TET3: variants seen among roughly 807,000 people sequenced by gnomAD.
TET3 encodes the protein tet methylcytosine dioxygenase 3, also known as methylcytosine dioxygenase TET3.
A neutral mutation model predicts 141.4 loss-of-function variants in TET3; 19 were observed. That is an observed-to-expected ratio of 0.13 (90% confidence interval 0.09 to 0.20). TET3 has a LOEUF of 0.20. Ranked by LOEUF, TET3 falls within the 10% of genes least tolerant of loss-of-function variation. The pLI, the probability that TET3 is intolerant of heterozygous loss-of-function variation, is 1.00. For synonymous variants in TET3, 1,043 were observed against 980.9 expected (o/e 1.06, Z -1.18); for missense variants, 1,874 against 2,356.9 (o/e 0.80, Z 4.24).
At position 74,048,430 on chromosome 2, in the gene TET3, C is replaced by G; in HGVS notation, c.2494+19C>G. Reference sequence around the variant, plus strand: ...TGCGTCGGTAAGTCCGCCTGGGTATCAGGGAAGGGCAGAGAAAGGGCTGTG... The same window carrying G: ...TGCGTCGGTAAGTCCGCCTGGGTATGAGGGAAGGGCAGAGAAAGGGCTGTG... On this transcript the variant is annotated intron_variant, in intron 4 of 11. Transcript: ENST00000409262. 6.3e-7 allele frequency: 1 copy of G among 1,582,800 alleles called. No individual in the cohort carries two copies. The highest frequency in any genetic ancestry group is 8.6e-7 in the Non-Finnish European group (1 of 1,162,922).
rs760606376 is a variant in TET3, at chr2:74,093,491, C to T, written c.3130-38C>T. 4.5e-6 allele frequency: 7 copies of T among 1,548,100 alleles called. No individual in the cohort carries two copies. The highest frequency in any genetic ancestry group is 6.1e-6 in the Non-Finnish European group (7 of 1,141,596). On this transcript the variant is annotated intron_variant, in intron 9 of 11. Coordinates refer to ENST00000409262, the MANE Select transcript of TET3 (RefSeq NM_001287491.2). This position sits in a 1 kb window ranked among gnomAD's most constrained non-coding sequence, Gnocchi z 4.2. ...GGTGCAGAATCGGGGCCACTCACCT[C>T]AGGTCATGTGAGCACCTCTCCTTGG...
At chr2:74,002,382 G>GTCTGC (rs1386681742) in intron 2 of TET3, among the ~76,000 whole-genome samples, 1 of 121,740 alleles carries the variant, frequency 8.2e-6, no homozygotes, top group Non-Finnish European at 1.7e-5. Flanking sequence ...CCCCCCCGGC[G>GTCTGC]TCTGCTCCGC....
intron 3 of TET3, among the ~76,000 whole-genome samples, chr2:74,037,076 G>C (rs901344953): frequency 6.6e-6 from 1 of 152,112 alleles, no homozygotes; most frequent in African/African-American, 2.4e-5. Flanking sequence ...CATAATCCTG[G>C]AGTTGCTGTC....
chr2:73,988,102 C>T (rs1684137234), intron 2 of TET3, among the ~76,000 whole-genome samples: 1 of 152,204 alleles, frequency 6.6e-6, no homozygotes, highest in South Asian at 2.1e-4. Flanking sequence ...ATCACATATG[C>T]AGCCCCCAGC....
Position 74,038,094 on chromosome 2 carries a change from A to G in TET3, c.361-8184A>G, listed in dbSNP as rs948821677. Among the ~76,000 whole-genome samples the G allele has an allele frequency of 2.6e-5, 4 of 152,238 alleles. No homozygotes were observed. The South Asian group carries it at 6.2e-4, about 24-fold the overall frequency. ...TCTGGGGATTTGGGAGTCTAAGAAG[A>G]CAGTGCACTGTAGAGGAGGAGGCAG... is the stretch of plus-strand genomic sequence containing the variant. On this transcript the variant is annotated intron_variant, in intron 3 of 11. Coordinates refer to ENST00000409262, the MANE Select transcript of TET3 (RefSeq NM_001287491.2).
chr2:74,002,396 G>GCTCCA (rs1197944525), intron 2 of TET3, among the ~76,000 whole-genome samples: 1 of 119,200 alleles, frequency 8.4e-6, no homozygotes, highest in Non-Finnish European at 1.7e-5. Flanking sequence ...GCTCCGCTCC[G>GCTCCA]CTCCACCCGG....
In TET3 at chr2:74,107,668, T is replaced by C. The variant is rs1200456938; in HGVS notation, c.*5492T>C. On this transcript the variant is annotated 3_prime_UTR_variant, in exon 12 of 12. Coordinates refer to ENST00000409262, the MANE Select transcript of TET3 (RefSeq NM_001287491.2). ...ACTTAATCTAGAACCCCTGTAGCTT[T>C]TTGATGTGTTTTATTTCTTATCTCT... 6.6e-6 allele frequency: 1 copy of C among 152,218 alleles called. No homozygotes were observed. The highest frequency in any genetic ancestry group is 2.4e-5 in the African/African-American group (1 of 41,450). 9.4% of individuals were successfully genotyped at this position (152,218 alleles called of 1,614,324 possible). A position where few individuals can be genotyped will look rare whatever the true frequency, so the allele number is the denominator to read the frequency against.
chr2:74,095,872 AG>A (rs1391554434), intron 10 of TET3, among the ~76,000 whole-genome samples: 1 of 152,234 alleles, frequency 6.6e-6, no homozygotes, highest in East Asian at 1.9e-4. Flanking sequence ...TTACTTTTAC[AG>A]GCTTGGGGCA....
At chr2:74,015,289 C>T (rs1685669919) in intron 3 of TET3, among the ~76,000 whole-genome samples, 1 of 152,070 alleles carries the variant, frequency 6.6e-6, no homozygotes, top group African/African-American at 2.4e-5. Context: ...TGTTTTTTTC[C>T]AAAATGCAGA....
chr2:74,054,082 TGAAGATGCG>T (rs945879343), intron 4 of TET3, among the ~76,000 whole-genome samples: 6 of 152,012 alleles, frequency 3.9e-5, no homozygotes, highest in Non-Finnish European at 5.9e-5. Context: ...GAAAGACACA[TGAAGATGCG>T]GAAGATGAGA....
chr2:74,012,787 T>G (rs1685527160), intron 3 of TET3, among the ~76,000 whole-genome samples: 1 of 152,210 alleles, frequency 6.6e-6, no homozygotes, highest in African/African-American at 2.4e-5. Context: ...TATTGCTGAT[T>G]GTTTGAGGTC....
At chr2:74,004,743 A>G (rs527593262) in intron 3 of TET3, among the ~76,000 whole-genome samples, 20 of 152,276 alleles carry the variant, frequency 1.3e-4, no homozygotes, top group African/African-American at 4.8e-4. Flanking sequence ...GCTCACCTCA[A>G]GTTGGCTCTC....
At chr2:74,065,237 T>C (rs991047194) in intron 4 of TET3, among the ~76,000 whole-genome samples, 7 of 152,256 alleles carry the variant, frequency 4.6e-5, no homozygotes, top group African/African-American at 1.7e-4. Context: ...AAGTGAATAG[T>C]CACCTTCAAG....
chr2:74,045,073 A>G (rs542767713), intron 3 of TET3, among the ~76,000 whole-genome samples: 2 of 152,268 alleles, frequency 1.3e-5, no homozygotes, highest in South Asian at 2.1e-4. Context: ...ACGCCCTTCA[A>G]TTTGGGTTTG....
chr2:74,062,004 C>T (rs2103839264), intron 4 of TET3, among the ~76,000 whole-genome samples: 1 of 152,290 alleles, frequency 6.6e-6, no homozygotes, highest in Admixed American at 6.5e-5. Flanking sequence ...ACGCTCCTCA[C>T]TTCCCAGACG....
rs190925009 is a variant in TET3 at position 74,102,025 on chromosome 2, G to T, written c.5237G>T (p.Trp1746Leu). 8.8e-4 allele frequency: 1,385 copies of T among 1,568,198 alleles called. 3 individuals carry two copies. The highest frequency in any genetic ancestry group is 1.1e-3 in the Non-Finnish European group (1,232 of 1,155,656). ...EAKLYGKKRK[W>L]GGTVVAEPQQ... ...AAGCTCTACGGGAAGAAGCGCAAGT[G>T]GGGGGGCACTGTGGTTGCTGAGCCC... Residue 1746 changes from tryptophan (W) to leucine (L), a missense_variant, in exon 12 of 12, where the codon TGG becomes TTG. Around this residue, in one of 10 missense-constraint regions of TET3, gnomAD observed 113 missense variants for 114.3 expected, o/e 0.99. Coordinates refer to ENST00000409262, the MANE Select transcript of TET3 (RefSeq NM_001287491.2).
the TET3 span, among the ~76,000 whole-genome samples, chr2:74,130,107 A>AC: frequency 6.6e-6 from 1 of 151,798 alleles, no homozygotes; most frequent in South Asian, 2.1e-4. Flanking sequence ...AAAAAAAAAA[A>AC]AAAAAGTTGG....
chr2:74,070,059 A>G (rs1689120578), intron 4 of TET3, among the ~76,000 whole-genome samples: 1 of 152,178 alleles, frequency 6.6e-6, no homozygotes, highest in Non-Finnish European at 1.5e-5. Flanking sequence ...GCAATTTCAT[A>G]TTTCAGCCTA....
chr2:74,000,875 G>T (rs1172508198), intron 2 of TET3, among the ~76,000 whole-genome samples: 2 of 152,160 alleles, frequency 1.3e-5, no homozygotes, highest in Non-Finnish European at 2.9e-5. Flanking sequence ...CTGGCATGTA[G>T]CAGGGGTTTG....
Sources: allele counts gnomAD v4.1 joint callset (sites outside exome capture counted in the v4.1 genomes callset), GRCh38; gene constraint gnomAD v4.1.1; regional missense constraint gnomAD v4.1.1; non-coding constraint Gnocchi (gnomAD v3.1); transcripts MANE v1.5; gene names NCBI Gene and HGNC (gene_info 2026-07-23, HGNC 2026-07-21).